The following MCTP2 variants were observed in gnomAD, a reference collection of about 807,000 sequenced individuals.
MCTP2 encodes multiple C2 and transmembrane domain containing 2.
In MCTP2, 132 loss-of-function variants were observed where a neutral mutation model predicts 111.6. The observed-to-expected ratio is 1.18, with a 90% CI of 1.03 to 1.37. MCTP2 has a LOEUF of 1.37. Among genes scored for constraint, MCTP2 ranks in the 40% most tolerant of loss-of-function variants. The pLI, the probability that MCTP2 is intolerant of heterozygous loss-of-function variation, is 0.00. For synonymous variants in MCTP2, 395 were observed against 387.7 expected, an observed-to-expected ratio of 1.02 and a Z score of -0.22; for missense variants, 1,183 against 1,067.9, an observed-to-expected ratio of 1.11 and a Z score of -1.50.
chr15:94,338,129 T>C (rs1388279791), intron 4 of MCTP2, among the ~76,000 whole-genome samples: 1 of 152,228 alleles, frequency 6.6e-6, no homozygotes, highest in African/African-American at 2.4e-5. Flanking sequence ...TATATTGGCT[T>C]GACGTTGCTA....
At chr15:94,432,172 G>T (rs1176256395) in intron 17 of MCTP2, among the ~76,000 whole-genome samples, 2 of 152,168 alleles carry the variant, frequency 1.3e-5, no homozygotes, top group Admixed American at 6.5e-5. Context: ...GTTTAGTAAG[G>T]TTGGAGAGTT....
At position 94,401,996 on chromosome 15, in the gene MCTP2, TTA is replaced by T; in HGVS notation, c.2063_2064del (p.Leu688Ter). 1.2e-6 allele frequency: 2 copies of T among 1,613,556 alleles called. No individual in the cohort carries two copies. The highest frequency in any genetic ancestry group is 1.7e-6 in the Non-Finnish European group (2 of 1,179,732). On this transcript the variant is annotated frameshift_variant, in exon 17 of 23. Transcript: ENST00000357742. LOFTEE classifies it high-confidence loss of function. ...AAGCTGCTTCCAGTGGGAATCCACA[TTA>T]AGAAGTACAATAGCATTCGCGGTAA... ...LKSCFQWEST[L>X]RSTIAFAVFL...
At chr15:94,275,081 G>A (rs150556726) in intron 1 of MCTP2, among the ~76,000 whole-genome samples, 3 of 152,268 alleles carry the variant, frequency 2.0e-5, no homozygotes, top group African/African-American at 4.8e-5. Context: ...TTTGAAGGTT[G>A]CAGAAGAAGC....
At chr15:94,378,883 A>G (rs2079933452) in intron 12 of MCTP2, among the ~76,000 whole-genome samples, 1 of 152,214 alleles carries the variant, frequency 6.6e-6, no homozygotes, top group Admixed American at 6.5e-5. Context: ...CTCCTAGCAC[A>G]GTGCTTTGCA....
chr15:94,394,752 G>A (rs1194288571), intron 14 of MCTP2, among the ~76,000 whole-genome samples: 2 of 151,970 alleles, frequency 1.3e-5, no homozygotes, highest in Non-Finnish European at 2.9e-5. Flanking sequence ...GCGACAGGGT[G>A]AGACTCCATC....
chr15:94,320,317 A>G (rs948631376), intron 4 of MCTP2, among the ~76,000 whole-genome samples: 48 of 151,768 alleles, frequency 3.2e-4, no homozygotes, highest in African/African-American at 1.1e-3. Context: ...TAATTTTTGT[A>G]TTTTTAGTAG....
intron 19 of MCTP2, among the ~76,000 whole-genome samples, chr15:94,451,918 T>A (rs1232029212): frequency 1.3e-5 from 2 of 152,232 alleles, no homozygotes; most frequent in Non-Finnish European, 2.9e-5. Context: ...GGAACTGGTG[T>A]TTATGAAGCA....
chr15:94,406,791 G>A (rs991711568), intron 17 of MCTP2, among the ~76,000 whole-genome samples: 1 of 151,858 alleles, frequency 6.6e-6, no homozygotes, highest in Non-Finnish European at 1.5e-5. Flanking sequence ...ATTTTCAAGG[G>A]GAGAAGAAAG....
chr15:94,280,588 C>T (rs2074431066), intron 1 of MCTP2, among the ~76,000 whole-genome samples: 1 of 151,480 alleles, frequency 6.6e-6, no homozygotes, highest in Non-Finnish European at 1.5e-5. Flanking sequence ...TTTTGTGTCT[C>T]AATTTGATTC....
rs116564769 is a variant in MCTP2, at chr15:94,401,869, T to C, written c.1966-31T>C. On this transcript the variant is annotated intron_variant, in intron 16 of 22. Coordinates refer to ENST00000357742, the MANE Select transcript of MCTP2 (RefSeq NM_001385001.1). ...ATGGAATATTTGTAGTATTTAAATC[T>C]AGTTTCCTGTTTGTCATTTTTTAAA... The C allele has an allele frequency of 2.7e-3, 4,235 of 1,575,108 alleles. 93 individuals carry two copies. In the African/African-American group the frequency reaches 0.047, roughly 18 times the overall value.
intron 3 of MCTP2, among the ~76,000 whole-genome samples, chr15:94,315,123 C>T (rs900201078): frequency 6.6e-6 from 1 of 152,136 alleles, no homozygotes; most frequent in South Asian, 2.1e-4. Context: ...CATCTTACAT[C>T]TGAACTTGGA....
intron 8 of MCTP2, among the ~76,000 whole-genome samples, chr15:94,349,332 A>G (rs912820544): frequency 1.1e-4 from 16 of 152,138 alleles, no homozygotes; most frequent in African/African-American, 3.4e-4. Context: ...CCTCTCAGTG[A>G]TGTTTGACTC....
At chr15:94,243,803 G>A (rs1264673768) in intron 1 of MCTP2, among the ~76,000 whole-genome samples, 1 of 143,644 alleles carries the variant, frequency 7.0e-6, no homozygotes, top group Non-Finnish European at 1.5e-5. Flanking sequence ...ACACATATGC[G>A]TATATACATA....
chr15:94,243,281 G>A (rs1439193332), intron 1 of MCTP2, among the ~76,000 whole-genome samples: 2 of 146,658 alleles, frequency 1.4e-5, no homozygotes, highest in African/African-American at 2.5e-5. Flanking sequence ...GCGTACATAC[G>A]TATGCGTATA....
At chr15:94,416,300 TCA>T (rs1043753312) in intron 17 of MCTP2, among the ~76,000 whole-genome samples, 20 of 152,248 alleles carry the variant, frequency 1.3e-4, no homozygotes, top group Non-Finnish European at 2.9e-4. Flanking sequence ...CATGAGATTT[TCA>T]CACTTTTCGG....
intron 14 of MCTP2, among the ~76,000 whole-genome samples, chr15:94,392,229 G>A (rs1441306979): frequency 5.3e-5 from 8 of 152,030 alleles, no homozygotes; most frequent in South Asian, 4.2e-4. Context: ...AAAATTAGCC[G>A]GGTGTGGAGG....
At chr15:94,238,343 A>G (rs1164495865) in intron 1 of MCTP2, among the ~76,000 whole-genome samples, 1 of 152,124 alleles carries the variant, frequency 6.6e-6, no homozygotes, top group Non-Finnish European at 1.5e-5. Context: ...TTTTAAATTA[A>G]TGTATATCGT....
intron 21 of MCTP2, among the ~76,000 whole-genome samples, chr15:94,474,983 A>G (rs1198271305): frequency 6.6e-6 from 1 of 152,062 alleles, no homozygotes; most frequent in Non-Finnish European, 1.5e-5. Flanking sequence ...TGTTTTGATC[A>G]GCTGTGATAT....
intron 19 of MCTP2, among the ~76,000 whole-genome samples, chr15:94,443,660 A>G (rs544003754): frequency 1.3e-5 from 2 of 152,254 alleles, no homozygotes; most frequent in Admixed American, 1.3e-4. Flanking sequence ...ATTGAATAGA[A>G]ATGTATTCAA....
Sources: allele counts gnomAD v4.1 joint callset (sites outside exome capture counted in the v4.1 genomes callset), GRCh38; gene constraint gnomAD v4.1.1; transcripts MANE v1.5; gene names NCBI Gene and HGNC (gene_info 2026-07-23, HGNC 2026-07-21).